The following STXBP5 variants were observed in gnomAD, a reference collection of about 807,000 sequenced individuals.
STXBP5 encodes syntaxin binding protein 5, also known as syntaxin-binding protein 5.
Under a neutral mutation model 152.4 loss-of-function variants are expected in STXBP5, and 50 were observed. That is an observed-to-expected ratio of 0.33 (90% CI 0.26 to 0.42). The LOEUF (loss-of-function observed/expected upper bound fraction) is 0.42. STXBP5 is among the 10% of genes least tolerant of loss of function. The probability of loss-of-function intolerance (pLI) is 1.00; values close to 1 mark genes in which losing one functional copy is unlikely to be tolerated. For missense variants in STXBP5, 1,167 were observed against 1,388.6 expected (o/e 0.84, Z 2.54); for synonymous variants, 492 against 494.7 (o/e 0.99, Z 0.07).
chr6:147,380,241 T>C (rs1786015413), intron 26 of STXBP5, among the ~76,000 whole-genome samples: 1 of 149,478 alleles, frequency 6.7e-6, no homozygotes, highest in Admixed American at 6.7e-5. Flanking sequence ...CTGGAGGGAC[T>C]CAAACATTTC....
intron 18 of STXBP5, among the ~76,000 whole-genome samples, chr6:147,329,218 AATTTATATTTT>A (rs1783426839): frequency 6.7e-6 from 1 of 148,748 alleles, no homozygotes; most frequent in Non-Finnish European, 1.5e-5. Flanking sequence ...TATTTTTTAA[AATTTATATTTT>A]ATTTATATTA....
chr6:147,253,264 C>T (rs558470551), intron 4 of STXBP5, among the ~76,000 whole-genome samples: 2 of 152,298 alleles, frequency 1.3e-5, no homozygotes, highest in Middle Eastern at 6.8e-3. Context: ...AACACCCCTT[C>T]ATGCTAAAAA....
intron 4 of STXBP5, among the ~76,000 whole-genome samples, chr6:147,247,238 G>A (rs906937113): frequency 2.0e-5 from 3 of 152,142 alleles, no homozygotes; most frequent in African/African-American, 7.2e-5. Context: ...TCTGCTAATC[G>A]CATAACATTA....
intron 22 of STXBP5, among the ~76,000 whole-genome samples, chr6:147,355,750 G>A (rs1304800744): frequency 1.3e-5 from 2 of 151,948 alleles, no homozygotes; most frequent in Non-Finnish European, 2.9e-5. Context: ...TCAATAAAAT[G>A]ATAAATGTAA....
At chr6:147,223,313 T>C (rs561818646) in intron 2 of STXBP5, among the ~76,000 whole-genome samples, 1 of 152,306 alleles carries the variant, frequency 6.6e-6, no homozygotes, top group African/African-American at 2.4e-5. Flanking sequence ...TAGCCCATAA[T>C]ATACAAAATG....
At chr6:147,235,616 C>T (rs2115179418) in intron 3 of STXBP5, among the ~76,000 whole-genome samples, 1 of 152,186 alleles carries the variant, frequency 6.6e-6, no homozygotes, top group African/African-American at 2.4e-5. Context: ...TACTGTGTAA[C>T]ATAGAACTCT....
chr6:147,316,338 C>T lies in STXBP5; in HGVS notation c.1733C>T (p.Pro578Leu), dbSNP rs1269102313. The change falls in exon 16 of 28, where the codon CCT becomes CTT. Residue 578 changes from proline (P) to leucine (L), a missense_variant. Pro to Leu is a moderately conservative substitution (Grantham distance 98). This residue lies in a region of STXBP5 where 833 missense variants were observed against 986.3 expected (regional missense o/e 0.84). Coordinates refer to ENST00000321680, the MANE Select transcript of STXBP5 (RefSeq NM_001127715.4). ...PVGGSNPQPI[P>L]PQSHPSTSSS... ...GGAGGGTCCAACCCTCAGCCCATCC[C>T]TCCTCAGTCTCATCCATCTACCAGT... 7.4e-6 allele frequency: 12 copies of T among 1,611,640 alleles called. No homozygotes were observed. Among genetic ancestry groups the T allele is most frequent in the Non-Finnish European group, 1.0e-5 (12 of 1,179,080 alleles).
intron 8 of STXBP5, among the ~76,000 whole-genome samples, chr6:147,286,137 CG>C (rs771210429): frequency 1.2e-4 from 19 of 152,004 alleles, no homozygotes; most frequent in Non-Finnish European, 2.1e-4. Context: ...CTCCTTTTTT[CG>C]ATACCTTTTA....
At chr6:147,329,032 T>C (rs1783418120) in intron 18 of STXBP5, among the ~76,000 whole-genome samples, 1 of 151,990 alleles carries the variant, frequency 6.6e-6, no homozygotes. Flanking sequence ...AGAAGAAATA[T>C]TTTTTGAAGA....
chr6:147,356,558 G>T (rs1332840249), intron 22 of STXBP5, among the ~76,000 whole-genome samples: 1 of 151,672 alleles, frequency 6.6e-6, no homozygotes, highest in Admixed American at 6.6e-5. Flanking sequence ...ATCATAATTT[G>T]TAAATTATGG....
intron 4 of STXBP5, among the ~76,000 whole-genome samples, chr6:147,255,167 G>A (rs1779295201): frequency 6.6e-6 from 1 of 152,122 alleles, no homozygotes. Flanking sequence ...TCCTTTGCAG[G>A]GACATGGATG....
intron 5 of STXBP5, 111 bp downstream of exon 5, chr6:147,260,860 T>C: frequency 7.6e-7 from 1 of 1,308,138 alleles, no homozygotes; most frequent in Non-Finnish European, 1.0e-6. Context: ...GTGACAGATG[T>C]TCTTAATATT....
At chr6:147,343,281 T>G (rs955789428) in intron 21 of STXBP5, among the ~76,000 whole-genome samples, 1 of 152,156 alleles carries the variant, frequency 6.6e-6, no homozygotes, top group Non-Finnish European at 1.5e-5. Context: ...TAGCAAAAAC[T>G]GGAATAATTT....
At chr6:147,356,989 C>T (rs1169729021) in intron 22 of STXBP5, among the ~76,000 whole-genome samples, 1 of 152,094 alleles carries the variant, frequency 6.6e-6, no homozygotes, top group African/African-American at 2.4e-5. Context: ...CTGCCTTCAG[C>T]AAGTGTTTAT....
At chr6:147,243,114 C>G (rs1778631494) in intron 4 of STXBP5, among the ~76,000 whole-genome samples, 1 of 152,116 alleles carries the variant, frequency 6.6e-6, no homozygotes, top group African/African-American at 2.4e-5. Context: ...CCTGGGAGTG[C>G]TATTGCTGGA....
At chr6:147,286,572 A>G (rs996122478) in intron 8 of STXBP5, among the ~76,000 whole-genome samples, 2 of 152,158 alleles carry the variant, frequency 1.3e-5, no homozygotes, top group Non-Finnish European at 2.9e-5. Flanking sequence ...TAGCTTATTA[A>G]TTATTAAGAG....
chr6:147,326,081 G>T (rs1783241029), intron 17 of STXBP5, among the ~76,000 whole-genome samples: 1 of 152,038 alleles, frequency 6.6e-6, no homozygotes, highest in Non-Finnish European at 1.5e-5. Flanking sequence ...GTATCTGTGG[G>T]GGTCCTGGAA....
At chr6:147,312,663 G>A (rs548507045) in intron 11 of STXBP5, among the ~76,000 whole-genome samples, 8 of 152,110 alleles carry the variant, frequency 5.3e-5, no homozygotes, top group East Asian at 1.9e-4. Context: ...GAGGTTGGGC[G>A]ACCCTGAATT....
chr6:147,260,575 T>C, intron 4 of STXBP5, 40 bp from the exon 5 acceptor site: 4 of 1,612,576 alleles, frequency 2.5e-6, no homozygotes, highest in Non-Finnish European at 3.4e-6. Flanking sequence ...AAATTTGCCA[T>C]TTTTCAAATT....
Sources: allele counts gnomAD v4.1 joint callset (sites outside exome capture counted in the v4.1 genomes callset), GRCh38; gene constraint gnomAD v4.1.1; regional missense constraint gnomAD v4.1.1; transcripts MANE v1.5; gene names NCBI Gene and HGNC (gene_info 2026-07-23, HGNC 2026-07-21).